IL17RB: variants seen among roughly 807,000 people sequenced by gnomAD.
IL17RB encodes interleukin 17 receptor B, also known as interleukin-17 receptor B.
In IL17RB, 36 loss-of-function variants were observed where a neutral mutation model predicts 43.9. The observed-to-expected ratio is 0.82, with a 90% confidence interval of 0.63 to 1.08. The LOEUF (loss-of-function observed/expected upper bound fraction) is 1.08. Among genes scored for constraint, IL17RB ranks in the 50% least tolerant of loss-of-function variants. The pLI, the probability that IL17RB is intolerant of heterozygous loss-of-function variation, is 0.00. For synonymous variants in IL17RB, 225 were observed against 225.4 expected (o/e 1.00, Z 0.02); for missense variants, 613 against 613.6 (o/e 1.00, Z 0.01).
At chr3:53,849,606 C>T (rs1389501243) in intron 2 of IL17RB, 49 bp from the exon 3 acceptor site, 2 of 1,504,556 alleles carry the variant, frequency 1.3e-6, no homozygotes, top group Admixed American at 2.0e-5. Context: ...GGCATGGCAT[C>T]AGACTGGGCT....
intron 5 of IL17RB, among the ~76,000 whole-genome samples, chr3:53,853,206 C>T (rs551811919): frequency 7.9e-5 from 12 of 152,344 alleles, no homozygotes; most frequent in African/African-American, 2.9e-4. Context: ...AAAGTCTGTT[C>T]CTGTATGCCA....
At chr3:53,849,504 C>A in intron 2 of IL17RB, 151 bp from the exon 3 acceptor site, 1 of 557,890 alleles carries the variant, frequency 1.8e-6, no homozygotes, top group Non-Finnish European at 2.8e-6. Context: ...AGTGAGACCC[C>A]ATCTCTACAA....
chr3:53,857,873 G>C, intron 8 of IL17RB, 183 bp downstream of exon 8: 1 of 601,688 alleles, frequency 1.7e-6, no homozygotes. Flanking sequence ...AGGCCGACGT[G>C]GCAGTTGTGG....
chr3:53,857,125 C>A, intron 7 of IL17RB, 139 bp downstream of exon 7: 1 of 852,140 alleles, frequency 1.2e-6, no homozygotes, highest in Non-Finnish European at 1.9e-6. Context: ...TGTGGGCATC[C>A]TGAGAGGTGT....
At chr3:53,858,689 G>C (rs1288080098) in intron 8 of IL17RB, 30 bp from the exon 9 acceptor site, 3 of 1,611,568 alleles carry the variant, frequency 1.9e-6, no homozygotes, top group Non-Finnish European at 2.5e-6. Flanking sequence ...TGCATGGTGT[G>C]AACTTTCTGA....
rs1699069710 is a variant in IL17RB at position 53,849,815 on chromosome 3, A to C, written c.226+20A>C. ...CAGATGGTAAGTTTGCATCCATCAGAGATAAGGCCCAAAGTGTCTACTAAA... is the reference window on the plus strand; with the variant it reads ...CAGATGGTAAGTTTGCATCCATCAGCGATAAGGCCCAAAGTGTCTACTAAA... On this transcript the variant is annotated intron_variant, in intron 3 of 10. Transcript: ENST00000288167. 6.3e-7 allele frequency: 1 copy of C among 1,585,946 alleles called. No homozygotes were observed. The highest frequency in any genetic ancestry group is 1.7e-5 in the Admixed American group (1 of 57,404).
At chr3:53,862,208 A>C (rs1221375649) in intron 10 of IL17RB, among the ~76,000 whole-genome samples, 3 of 152,150 alleles carry the variant, frequency 2.0e-5, no homozygotes, top group Non-Finnish European at 4.4e-5. Flanking sequence ...TCAACACTAA[A>C]GTCCTCAGAG....
Position 53,846,641 on chromosome 3 carries a change from G to A in IL17RB, c.53G>A (p.Arg18Gln), listed in dbSNP as rs1209888377. 6 of 1,591,788 alleles carry A rather than the reference G, an allele frequency of 3.8e-6. No individual in the cohort carries two copies. Among genetic ancestry groups the A allele is most frequent in the South Asian group, 1.1e-5 (1 of 88,350 alleles). Residue 18 changes from arginine (R) to glutamine (Q), a missense_variant, in exon 1 of 11, where the codon CGA (arginine) becomes CAA (glutamine). Arg to Gln is a conservative substitution (Grantham distance 43). Transcript: ENST00000288167. ...LAALCRSAVP[R>Q]EPTVQCGSET... Reference sequence around the variant, plus strand: ...GCGCTGTGCAGGAGCGCCGTACCCCGAGAGCCGGTAAGCCCCCGCCAGCAC... The same window carrying A: ...GCGCTGTGCAGGAGCGCCGTACCCCAAGAGCCGGTAAGCCCCCGCCAGCAC...
In IL17RB at chr3:53,855,330, G is replaced by A. The variant is rs1436774621; in HGVS notation, c.518G>A (p.Cys173Tyr). ...LDHIMKYKKKCVKAGSLWDPN... is the reference protein window; with the variant it reads ...LDHIMKYKKKYVKAGSLWDPN... ...CACATAATGAAATATAAAAAAAAGT[G>A]TGTCAAGGCCGGTAAGTAAATACGG... The change falls in exon 6 of 11, where the codon TGT (cysteine) becomes TAT (tyrosine). Residue 173 changes from cysteine (C) to tyrosine (Y), a missense_variant. Physicochemically the swap from Cys to Tyr is radical, Grantham distance 194 (BLOSUM62 -2). Transcript: ENST00000288167. 4 of 1,606,200 alleles carry A rather than the reference G, an allele frequency of 2.5e-6. No homozygotes were observed. Among genetic ancestry groups the A allele is most frequent in the South Asian group, 1.1e-5 (1 of 90,578 alleles).
At position 53,854,283 on chromosome 3, in the gene IL17RB, G is replaced by A. The variant is rs185187614; in HGVS notation, c.482-1011G>A. Reference sequence around the variant, plus strand: ...CTCTCACCCAGCTTCTCCTATTAACGTCTTGTATTACCATGATACATTTGT... The same window carrying A: ...CTCTCACCCAGCTTCTCCTATTAACATCTTGTATTACCATGATACATTTGT... On this transcript the variant is annotated intron_variant, in intron 5 of 10. Coordinates refer to ENST00000288167, the MANE Select transcript of IL17RB (RefSeq NM_018725.4). Among the ~76,000 whole-genome samples the A allele has an allele frequency of 1.2e-3, 183 of 152,242 alleles. 1 individual carries two copies. The highest frequency in any genetic ancestry group is 1.9e-3 in the Non-Finnish European group (132 of 68,020).
intron 10 of IL17RB, among the ~76,000 whole-genome samples, chr3:53,863,094 CA>C (rs1170367758): frequency 1.3e-5 from 2 of 151,978 alleles, no homozygotes; most frequent in African/African-American, 4.8e-5. Flanking sequence ...ATTTTAATTA[CA>C]TTTTTTTCTC....
chr3:53,857,815 C>T (rs919250448), intron 8 of IL17RB, 125 bp downstream of exon 8: 15 of 846,730 alleles, frequency 1.8e-5, no homozygotes, highest in African/African-American at 1.0e-4. Flanking sequence ...AGTTAAGTGG[C>T]GTTCATGGGG....
intron 5 of IL17RB, among the ~76,000 whole-genome samples, chr3:53,854,584 G>A (rs752771590): frequency 2.6e-5 from 4 of 152,164 alleles, no homozygotes; most frequent in African/African-American, 7.2e-5. Context: ...CAGAGGTGCC[G>A]GGCCCTTCTT....
Position 53,865,142 on chromosome 3 carries a change from T to A in IL17RB, c.1343T>A (p.Phe448Tyr), listed in dbSNP as rs760322310. Residue 448 changes from phenylalanine to tyrosine, a missense_variant, in exon 11 of 11, where the codon TTT (phenylalanine) becomes TAT (tyrosine). Transcript: ENST00000288167. The stretch of plus-strand genomic sequence containing the variant: ...CTGCACAAATACGTGGTGGTCTACT[T>A]TAGAGAGATTGATACAAAAGACGAT... ...IHLHKYVVVY[F>Y]REIDTKDDYN... is the part of the protein sequence containing the mutation. The A allele has an allele frequency of 6.2e-7, 1 of 1,614,130 alleles. No homozygotes were observed.
rs763419574 is a variant in IL17RB, at chr3:53,852,958, G to A, written c.442G>A (p.Glu148Lys). 1.1e-5 allele frequency: 17 copies of A among 1,613,758 alleles called. No individual in the cohort carries two copies. The highest frequency in any genetic ancestry group is 1.4e-5 in the Non-Finnish European group (17 of 1,179,660). ...TAATATTCCTAATGCAAATATGAAT[G>A]AAGATGGCCCTTCCATGTCTGTGAA... is the stretch of plus-strand genomic sequence containing the variant. ...AHNIPNANMN[E>K]DGPSMSVNFT... The change falls in exon 5 of 11, where the codon GAA becomes AAA. Residue 148 changes from glutamate to lysine, a missense_variant. Coordinates refer to ENST00000288167, the MANE Select transcript of IL17RB (RefSeq NM_018725.4).
Position 53,865,412 on chromosome 3 carries a change from C to T in IL17RB, c.*104C>T. The T allele has an allele frequency of 2.4e-6, 2 of 846,486 alleles. No homozygotes were observed. The highest frequency in any genetic ancestry group is 3.5e-6 in the Non-Finnish European group (2 of 570,114). 52.4% of individuals were successfully genotyped at this position (846,486 alleles called of 1,614,324 possible). ...GCTTACTATGCAGCCTACAAACAGCCTTAGTAATTAAAACATTTTATACCA... is the reference window on the plus strand; with the variant it reads ...GCTTACTATGCAGCCTACAAACAGCTTTAGTAATTAAAACATTTTATACCA... On this transcript the variant is annotated 3_prime_UTR_variant, in exon 11 of 11. Coordinates refer to ENST00000288167, the MANE Select transcript of IL17RB (RefSeq NM_018725.4).
intron 3 of IL17RB, 147 bp from the exon 4 acceptor site, chr3:53,851,851 TA>T: frequency 1.1e-6 from 1 of 892,944 alleles, no homozygotes; most frequent in Non-Finnish European, 1.7e-6. Context: ...ACCCCATCTG[TA>T]AACTGGAGAC....
chr3:53,860,895 TAAAC>T (rs1699539400), intron 10 of IL17RB: 2 of 152,322 alleles, frequency 1.3e-5, no homozygotes, highest in African/African-American at 4.8e-5. Context: ...TATCAAAACT[TAAAC>T]ACACACATAC....
At chr3:53,861,419 A>C (rs1699560675) in intron 10 of IL17RB, 2 of 152,242 alleles carry the variant, frequency 1.3e-5, no homozygotes, top group South Asian at 4.1e-4. Context: ...CCATAGTCAA[A>C]AAAGAAAAAA....
Sources: gnomAD v4.1 joint callset for allele counts (sites outside exome capture counted in the v4.1 genomes callset) on GRCh38, gnomAD v4.1.1 for gene constraint, MANE v1.5 for transcripts, NCBI Gene and HGNC (gene_info 2026-07-23, HGNC 2026-07-21) for gene names.